Variants in RIMS1 observed in about 807,000 individuals in gnomAD.
RIMS1 encodes regulating synaptic membrane exocytosis protein 1.
A neutral mutation model predicts 214.1 loss-of-function variants in RIMS1; 83 were observed. The observed-to-expected ratio is 0.39, with a 90% CI of 0.32 to 0.47. The LOEUF is 0.47. Among genes scored for constraint, RIMS1 ranks in the 20% least tolerant of loss-of-function variants. The pLI is 0.99. For missense variants in RIMS1, 2,050 were observed against 2,161.8 expected, an observed-to-expected ratio of 0.95 and a Z score of 1.03; for synonymous variants, 793 against 786.8, an observed-to-expected ratio of 1.01 and a Z score of -0.13.
rs557107076 is a variant in RIMS1, at chr6:71,887,141, A to G, written c.118A>G (p.Met40Val). The stretch of plus-strand genomic sequence containing the variant: ...GGAGAGGAACATTATCATGGCAGTG[A>G]TGGACCGGCAGAAGGAAGAGGAGGA... Reference protein sequence around the residue: ...EEERNIIMAVMDRQKEEEEKE... With the variant: ...EEERNIIMAVVDRQKEEEEKE... The change falls in exon 1 of 34, where the codon ATG (methionine) becomes GTG (valine). Residue 40 changes from methionine to valine, a missense_variant. This residue lies in a region of RIMS1 where 882 missense variants were observed against 828.9 expected (regional missense o/e 1.06). Coordinates refer to ENST00000521978, the MANE Select transcript of RIMS1 (RefSeq NM_014989.7). 1 of 1,613,040 alleles carries G rather than the reference A, an allele frequency of 6.2e-7. No individual in the cohort carries two copies. The highest frequency in any genetic ancestry group is 1.1e-5 in the South Asian group (1 of 90,778).
intron 1 of RIMS1, among the ~76,000 whole-genome samples, chr6:71,960,473 T>C (rs1305239111): frequency 6.6e-6 from 1 of 152,328 alleles, no homozygotes; most frequent in African/African-American, 2.4e-5. Flanking sequence ...ATGCTTTCTT[T>C]AGTGGAAAAT....
chr6:72,108,030 T>C (rs1432462458), intron 4 of RIMS1, among the ~76,000 whole-genome samples: 5 of 152,168 alleles, frequency 3.3e-5, no homozygotes, highest in Non-Finnish European at 7.3e-5. Context: ...TATTGTGTTT[T>C]GTTTTTGAGA....
At chr6:72,146,357 G>A (rs181495280) in intron 4 of RIMS1, among the ~76,000 whole-genome samples, 32 of 152,200 alleles carry the variant, frequency 2.1e-4, no homozygotes, top group African/African-American at 7.5e-4. Context: ...TATGTTACAC[G>A]AAAATCTTGT....
chr6:72,213,279 A>T (rs1331897199), intron 6 of RIMS1: 5 of 1,387,070 alleles, frequency 3.6e-6, no homozygotes, highest in Non-Finnish European at 4.9e-6. Flanking sequence ...ACCTAAATCT[A>T]TATTTAACAC....
chr6:71,955,092 A>G (rs1190757362), intron 1 of RIMS1, among the ~76,000 whole-genome samples: 1 of 152,050 alleles, frequency 6.6e-6, no homozygotes, highest in Non-Finnish European at 1.5e-5. Context: ...TTTTTTAGTT[A>G]GTTATTCTAT....
intron 22 of RIMS1, among the ~76,000 whole-genome samples, chr6:72,273,245 A>G (rs1016736230): frequency 6.6e-6 from 1 of 152,142 alleles, no homozygotes; most frequent in Non-Finnish European, 1.5e-5. Flanking sequence ...AAACCAAGTT[A>G]TATCTGGCAA....
chr6:72,041,069 CT>C (rs948809671), intron 2 of RIMS1, among the ~76,000 whole-genome samples: 1 of 151,818 alleles, frequency 6.6e-6, no homozygotes, highest in African/African-American at 2.4e-5. Context: ...CTTACAGATG[CT>C]TGTGTGCTTA....
intron 26 of RIMS1, among the ~76,000 whole-genome samples, chr6:72,304,976 T>A (rs752959573): frequency 8.6e-5 from 13 of 151,894 alleles, no homozygotes. Context: ...CTTTCACAGA[T>A]TAAATAAGGT....
At chr6:71,984,266 G>A (rs1261385361) in intron 2 of RIMS1, among the ~76,000 whole-genome samples, 1 of 151,940 alleles carries the variant, frequency 6.6e-6, no homozygotes, top group Non-Finnish European at 1.5e-5. Context: ...ATAGAAGGAG[G>A]CACAGAAAGG....
intron 22 of RIMS1, among the ~76,000 whole-genome samples, chr6:72,267,101 G>C (rs756851445): frequency 6.6e-6 from 1 of 151,986 alleles, no homozygotes; most frequent in Non-Finnish European, 1.5e-5. Context: ...TTTGTAAACT[G>C]TGTAATAGAA....
At chr6:72,323,048 A>G (rs185180215) in intron 28 of RIMS1, among the ~76,000 whole-genome samples, 3 of 152,186 alleles carry the variant, frequency 2.0e-5, no homozygotes, top group Admixed American at 1.3e-4. Flanking sequence ...TTAGAGGGGT[A>G]TGACAAACAC....
rs192452678 is a variant in RIMS1, at chr6:72,192,282, C to T, written c.1678+9133C>T. Among the ~76,000 whole-genome samples the T allele has an allele frequency of 1.4e-4, 22 of 152,302 alleles. No homozygotes were observed. The East Asian group carries it at 3.7e-3, about 25-fold the overall frequency. On this transcript the variant is annotated intron_variant, in intron 6 of 33. Transcript: ENST00000521978. ...AGCTCAGAGCCAGTGTCTGGTAGTT[C>T]CTGAAATGTCTGATCATTTTTTCCT...
intron 6 of RIMS1, among the ~76,000 whole-genome samples, chr6:72,224,019 T>C (rs2059421422): frequency 6.6e-6 from 1 of 150,444 alleles, no homozygotes; most frequent in South Asian, 2.1e-4. Context: ...CAAAAGAAAG[T>C]TTCTTTTCTG....
At chr6:72,365,360 A>G (rs190011065) in intron 29 of RIMS1, among the ~76,000 whole-genome samples, 2 of 152,336 alleles carry the variant, frequency 1.3e-5, no homozygotes, top group East Asian at 3.9e-4. Flanking sequence ...AAACCCAGAT[A>G]AATACTCCAA....
chr6:72,006,898 G>C (rs927865032), intron 2 of RIMS1, among the ~76,000 whole-genome samples: 1 of 152,192 alleles, frequency 6.6e-6, no homozygotes, highest in South Asian at 2.1e-4. Flanking sequence ...ACCTCTGGGG[G>C]CAGGGCATAG....
chr6:72,115,420 G>T (rs973304951), intron 4 of RIMS1, among the ~76,000 whole-genome samples: 1 of 151,852 alleles, frequency 6.6e-6, no homozygotes, highest in African/African-American at 2.4e-5. Context: ...TTTACAAAGC[G>T]ATTAAATTTG....
rs1777170920 is a variant in RIMS1, at chr6:71,912,340, C to T, written c.164+25153C>T. ...TCTGATACCCAAATTAATTATTTCT[C>T]ACCATTCCTCCCTTCCCTGGGCTAT... On this transcript the variant is annotated intron_variant, in intron 1 of 33. Transcript: ENST00000521978. Among the ~76,000 whole-genome samples the T allele has an allele frequency of 2.6e-5, 4 of 152,082 alleles. No homozygotes were observed. The South Asian group carries it at 8.3e-4, about 32-fold the overall frequency.
intron 28 of RIMS1, among the ~76,000 whole-genome samples, chr6:72,316,307 G>A (rs956542086): frequency 2.6e-5 from 4 of 152,126 alleles, no homozygotes; most frequent in African/African-American, 9.7e-5. Context: ...CAGATGGATG[G>A]GTGGTGGACA....
chr6:71,925,849 C>T (rs192902242), intron 1 of RIMS1, among the ~76,000 whole-genome samples: 159 of 152,218 alleles, frequency 1.0e-3, no homozygotes, highest in Admixed American at 2.5e-3. Flanking sequence ...GTTGTCTTAC[C>T]AATTACATTA....
Sources: gnomAD v4.1 joint callset for allele counts (sites outside exome capture counted in the v4.1 genomes callset) on GRCh38, gnomAD v4.1.1 for gene constraint, gnomAD v4.1.1 regional missense constraint, MANE v1.5 for transcripts, NCBI Gene and HGNC (gene_info 2026-07-23, HGNC 2026-07-21) for gene names.